AKAP19: variants seen among roughly 807,000 people sequenced by gnomAD.
The protein encoded by AKAP19 is A-kinase anchoring protein 19, also known as small A-kinase anchoring protein.
the AKAP19 span, among the ~76,000 whole-genome samples, chr2:190,065,232 T>C: frequency 6.6e-6 from 1 of 152,120 alleles, no homozygotes; most frequent in Non-Finnish European, 1.5e-5. Context: ...GGTGTTCCTA[T>C]GTTCCTAATC....
At chr2:189,914,195 CTTAG>C in the AKAP19 span, among the ~76,000 whole-genome samples, 1 of 152,000 alleles carries the variant, frequency 6.6e-6, no homozygotes, top group Non-Finnish European at 1.5e-5. Context: ...TATAGAATTT[CTTAG>C]TTAATTTCTC....
At chr2:190,043,165 G>T in the AKAP19 span, among the ~76,000 whole-genome samples, 1 of 152,064 alleles carries the variant, frequency 6.6e-6, no homozygotes, top group African/African-American at 2.4e-5. Context: ...TGATGATTAT[G>T]TGTCTTGGGG....
chr2:189,897,161 G>A, the AKAP19 span, among the ~76,000 whole-genome samples: 2 of 152,042 alleles, frequency 1.3e-5, no homozygotes, highest in Admixed American at 1.3e-4. Flanking sequence ...TTGGGATATA[G>A]CAGATACTCA....
chr2:190,100,430 A>C, the AKAP19 span, among the ~76,000 whole-genome samples: 2 of 152,212 alleles, frequency 1.3e-5, no homozygotes, highest in Non-Finnish European at 2.9e-5. Context: ...CTTTCATGCA[A>C]GTTGAGACAA....
chr2:189,942,733 C>A, the AKAP19 span, among the ~76,000 whole-genome samples: 1 of 152,232 alleles, frequency 6.6e-6, no homozygotes, highest in African/African-American at 2.4e-5. Flanking sequence ...TTATTGGGAA[C>A]TAAGGCAGTC....
At chr2:190,070,624 C>T in the AKAP19 span, among the ~76,000 whole-genome samples, 12 of 137,012 alleles carry the variant, frequency 8.8e-5, no homozygotes, top group East Asian at 5.0e-4. Flanking sequence ...TCCCCCCCCC[C>T]TTTTTTTTTG....
the AKAP19 span, among the ~76,000 whole-genome samples, chr2:189,900,255 G>A: frequency 2.0e-5 from 3 of 151,428 alleles, no homozygotes; most frequent in East Asian, 1.9e-4. Flanking sequence ...TTGTTTCTTC[G>A]GGATAAATTC....
the AKAP19 span, among the ~76,000 whole-genome samples, chr2:189,911,205 T>G: frequency 1.3e-5 from 2 of 152,070 alleles, no homozygotes; most frequent in Non-Finnish European, 2.9e-5. Context: ...CACTTTGGGA[T>G]TTTTGAAGTT....
chr2:190,005,340 G>A, the AKAP19 span, among the ~76,000 whole-genome samples: 1 of 152,112 alleles, frequency 6.6e-6, no homozygotes, highest in African/African-American at 2.4e-5. Flanking sequence ...CCATTTTACA[G>A]TGTGCTGATT....
At chr2:189,882,267 T>G in the AKAP19 span, among the ~76,000 whole-genome samples, 1 of 152,208 alleles carries the variant, frequency 6.6e-6, no homozygotes, top group African/African-American at 2.4e-5. Flanking sequence ...CTTCACTGTT[T>G]CCAGTAATAA....
the AKAP19 span, among the ~76,000 whole-genome samples, chr2:190,089,028 G>T: frequency 6.6e-6 from 1 of 152,136 alleles, no homozygotes; most frequent in African/African-American, 2.4e-5. Flanking sequence ...TAAAAGATAG[G>T]CTCCAGCAGG....
the AKAP19 span, among the ~76,000 whole-genome samples, chr2:190,038,944 T>TTCTTCTTCTTCTTCC: frequency 4.1e-5 from 6 of 145,062 alleles, no homozygotes; most frequent in African/African-American, 1.6e-4. Flanking sequence ...CTTCTTCTTC[T>TTCTTCTTCTTCTTCC]TCTTCTTCTT....
the AKAP19 span, among the ~76,000 whole-genome samples, chr2:189,907,235 T>C: frequency 6.6e-6 from 1 of 152,128 alleles, no homozygotes; most frequent in South Asian, 2.1e-4. Flanking sequence ...TGGGTCCCAC[T>C]CCCCAACTTT....
the AKAP19 span, chr2:189,930,496 G>C: frequency 4.7e-6 from 1 of 212,442 alleles, no homozygotes; most frequent in African/African-American, 2.4e-5. Flanking sequence ...GGCCAACATA[G>C]TGAAACCCCG....
chr2:189,923,634 C>G, the AKAP19 span: 1 of 1,614,128 alleles, frequency 6.2e-7, no homozygotes, highest in Non-Finnish European at 8.5e-7. Context: ...GTGAAACGAT[C>G]TGCAGCGGAG....
At chr2:190,152,451 T>G in the AKAP19 span, among the ~76,000 whole-genome samples, 1 of 152,224 alleles carries the variant, frequency 6.6e-6, no homozygotes, top group Admixed American at 6.5e-5. Flanking sequence ...CCATGTGCAT[T>G]CAAGTCTTTC....
At chr2:190,070,031 T>A in the AKAP19 span, among the ~76,000 whole-genome samples, 1 of 152,240 alleles carries the variant, frequency 6.6e-6, no homozygotes, top group African/African-American at 2.4e-5. Context: ...CTTTAACTTC[T>A]TTATGTTGAA....
chr2:190,075,277 A>G, the AKAP19 span, among the ~76,000 whole-genome samples: 1 of 152,098 alleles, frequency 6.6e-6, no homozygotes, highest in Non-Finnish European at 1.5e-5. Flanking sequence ...ATCATTTTAC[A>G]TTTATTAAAA....
chr2:190,167,490 C>T, the AKAP19 span, among the ~76,000 whole-genome samples: 3 of 152,146 alleles, frequency 2.0e-5, no homozygotes, highest in Non-Finnish European at 4.4e-5. Context: ...AGTCTTAACT[C>T]ATTTCAGCAT....
Sources: allele counts gnomAD v4.1 joint callset (sites outside exome capture counted in the v4.1 genomes callset), GRCh38; gene constraint gnomAD v4.1.1; transcripts MANE v1.5; gene names NCBI Gene and HGNC (gene_info 2026-07-23, HGNC 2026-07-21).